MTHFD2L: variants seen among roughly 807,000 people sequenced by gnomAD.
The protein encoded by MTHFD2L is bifunctional methylenetetrahydrofolate dehydrogenase/cyclohydrolase 2, mitochondrial.
Under a neutral mutation model 34.9 loss-of-function variants are expected in MTHFD2L, and 29 were observed. The ratio of observed to expected loss-of-function variants is 0.83; its 90% confidence interval spans 0.62 to 1.13. The LOEUF is 1.13. Ranked by LOEUF, MTHFD2L falls within the 50% of genes most tolerant of loss-of-function variation. MTHFD2L has a pLI of 0.00. For missense variants in MTHFD2L, 481 were observed against 446.5 expected (o/e 1.08, Z -0.70); for synonymous variants, 167 against 155.7 (o/e 1.07, Z -0.54).
chr4:74,267,077 T>A (rs1745367843), intron 6 of MTHFD2L: 11 of 985,374 alleles, frequency 1.1e-5, no homozygotes, highest in Non-Finnish European at 1.3e-5. Flanking sequence ...TTGATCCTTT[T>A]ACACACTGAG....
At chr4:74,205,512 G>A (rs1319784324) in intron 5 of MTHFD2L, among the ~76,000 whole-genome samples, 1 of 152,146 alleles carries the variant, frequency 6.6e-6, no homozygotes, top group African/African-American at 2.4e-5. Context: ...AATTTAGCTT[G>A]ATTAATATGT....
intron 6 of MTHFD2L, among the ~76,000 whole-genome samples, chr4:74,232,639 T>C (rs1057376059): frequency 5.3e-5 from 8 of 152,014 alleles, no homozygotes; most frequent in African/African-American, 1.9e-4. Context: ...ACTTGGACAA[T>C]AGAGAGGGAG....
chr4:74,277,921 T>C (rs1746900799), intron 6 of MTHFD2L, among the ~76,000 whole-genome samples: 1 of 152,078 alleles, frequency 6.6e-6, no homozygotes, highest in South Asian at 2.1e-4. Flanking sequence ...TGATGGTCTG[T>C]GACTATTTCT....
rs1305506581 is a variant in MTHFD2L at position 74,302,767 on chromosome 4, C to G, written c.*958C>G. The stretch of plus-strand genomic sequence containing the variant: ...TACTTTCAATGTGCCAAAACTAAAC[C>G]TTAGTATACAACTAAAAATCTCCTG... On this transcript the variant is annotated 3_prime_UTR_variant, in exon 8 of 8. Transcript: ENST00000325278. 6.6e-6 allele frequency: 1 copy of G among 152,074 alleles called. No homozygotes were observed. The highest frequency in any genetic ancestry group is 2.4e-5 in the African/African-American group (1 of 41,428). The allele number at this position is 152,074 out of a possible 1,614,324, so 9.4% of individuals were successfully genotyped here. A position where few individuals can be genotyped will look rare whatever the true frequency, so the allele number is the denominator to read the frequency against.
At chr4:74,241,489 G>A in intron 6 of MTHFD2L, 1 of 306,544 alleles carries the variant, frequency 3.3e-6, no homozygotes, top group South Asian at 2.7e-5. Context: ...GACCTCCTGG[G>A]CCCAAGTGAT....
At chr4:74,260,190 A>C (rs1744509652) in intron 6 of MTHFD2L, among the ~76,000 whole-genome samples, 2 of 152,026 alleles carry the variant, frequency 1.3e-5, no homozygotes, top group Non-Finnish European at 2.9e-5. Context: ...AGAGTGGGCC[A>C]CTCTATGTCT....
intron 6 of MTHFD2L, 147 bp downstream of exon 6, chr4:74,225,541 T>G: frequency 3.1e-6 from 2 of 646,022 alleles, no homozygotes; most frequent in East Asian, 2.7e-5. Flanking sequence ...TTGGCAATCA[T>G]TATATCAGTC....
chr4:74,270,134 T>C (rs934107385), intron 6 of MTHFD2L, among the ~76,000 whole-genome samples: 1 of 152,038 alleles, frequency 6.6e-6, no homozygotes, highest in Non-Finnish European at 1.5e-5. Context: ...CTAGTGGTTT[T>C]CTTTTTGTCC....
intron 1 of MTHFD2L, among the ~76,000 whole-genome samples, chr4:74,150,664 A>G (rs1723876240): frequency 6.6e-6 from 1 of 152,238 alleles, no homozygotes. Context: ...ACATTATCCC[A>G]TAACTTAAAA....
chr4:74,177,308 TG>T (rs1437848922), intron 3 of MTHFD2L, among the ~76,000 whole-genome samples: 2 of 152,136 alleles, frequency 1.3e-5, no homozygotes, highest in African/African-American at 4.8e-5. Context: ...ATGAATCTCC[TG>T]TTGGTACTGT....
chr4:74,294,602 CCT>C (rs1198243443), intron 7 of MTHFD2L, among the ~76,000 whole-genome samples: 2 of 151,972 alleles, frequency 1.3e-5, no homozygotes, highest in African/African-American at 2.4e-5. Flanking sequence ...ATTTATGCAC[CCT>C]GTCATCTATG....
At chr4:74,262,307 G>A (rs1578651260) in intron 6 of MTHFD2L, among the ~76,000 whole-genome samples, 1 of 151,708 alleles carries the variant, frequency 6.6e-6, no homozygotes, top group East Asian at 1.9e-4. Flanking sequence ...AATAGAACTT[G>A]GTCATAAATT....
At chr4:74,130,438 C>CA (rs536221457) in intron 1 of MTHFD2L, among the ~76,000 whole-genome samples, 40 of 152,098 alleles carry the variant, frequency 2.6e-4, no homozygotes, top group African/African-American at 9.6e-4. Context: ...TCAAGATATG[C>CA]AAAAAAATAA....
chr4:74,122,082 CT>C (rs965336972), upstream of MTHFD2L, among the ~76,000 whole-genome samples: 313 of 149,850 alleles, frequency 2.1e-3, 1 homozygote, highest in African/African-American at 7.1e-3. Flanking sequence ...TTCAGCAATT[CT>C]TTTTTTTTTC....
At chr4:74,123,759 CT>C (rs892982014), upstream of MTHFD2L, among the ~76,000 whole-genome samples, 1 of 151,976 alleles carries the variant, frequency 6.6e-6, no homozygotes, top group African/African-American at 2.4e-5. Context: ...ATAACACTTT[CT>C]TAGATTCTAA....
chr4:74,205,338 C>T (rs764626072), intron 5 of MTHFD2L, among the ~76,000 whole-genome samples: 26 of 152,140 alleles, frequency 1.7e-4, no homozygotes, highest in African/African-American at 4.6e-4. Context: ...AGGACTAACT[C>T]GGCAAATGCA....
At chr4:74,294,828 A>G (rs1026109359) in intron 7 of MTHFD2L, among the ~76,000 whole-genome samples, 1 of 152,140 alleles carries the variant, frequency 6.6e-6, no homozygotes, top group Non-Finnish European at 1.5e-5. Flanking sequence ...TCTGAAGCCA[A>G]TAACATAGGG....
intron 5 of MTHFD2L, among the ~76,000 whole-genome samples, chr4:74,219,276 C>T (rs1386136407): frequency 1.3e-5 from 2 of 152,032 alleles, no homozygotes; most frequent in Non-Finnish European, 2.9e-5. Context: ...TTATAAAACA[C>T]TAGGCACAAA....
upstream of MTHFD2L, among the ~76,000 whole-genome samples, chr4:74,155,913 A>T (rs1002093079): frequency 9.2e-5 from 14 of 151,428 alleles, no homozygotes; most frequent in African/African-American, 3.4e-4. Flanking sequence ...GTGATTTAAA[A>T]AAAAAAAAAA....
Sources: gnomAD v4.1 joint callset for allele counts (sites outside exome capture counted in the v4.1 genomes callset) on GRCh38, gnomAD v4.1.1 for gene constraint, MANE v1.5 for transcripts, NCBI Gene and HGNC (gene_info 2026-07-23, HGNC 2026-07-21) for gene names.